USP4: variants seen among roughly 807,000 people sequenced by gnomAD.
USP4 encodes the protein ubiquitin carboxyl-terminal hydrolase 4.
USP4 carries 72 observed loss-of-function variants against 118.2 expected under a neutral mutation model. The observed-to-expected ratio is 0.61, with a 90% confidence interval of 0.50 to 0.74. The LOEUF is 0.74. Among genes scored for constraint, USP4 ranks in the 30% least tolerant of loss-of-function variants. The pLI is 0.00. For synonymous variants in USP4, 415 were observed against 440.4 expected, an observed-to-expected ratio of 0.94 and a Z score of 0.72; for missense variants, 1,037 against 1,185.7, an observed-to-expected ratio of 0.87 and a Z score of 1.84.
chr3:49,282,639 C>T (rs1337642120), intron 19 of USP4, among the ~76,000 whole-genome samples: 1 of 151,976 alleles, frequency 6.6e-6, no homozygotes, highest in East Asian at 1.9e-4. Flanking sequence ...TGCTGACATG[C>T]TATACTTCAT....
intron 21 of USP4, 69 bp downstream of exon 21, chr3:49,278,745 T>C: frequency 2.4e-6 from 3 of 1,242,064 alleles, no homozygotes; most frequent in Non-Finnish European, 1.1e-6. Context: ...CCAACTAGCC[T>C]GATAGAGGCT....
At chr3:49,316,749 C>T in intron 6 of USP4, 1 of 393,952 alleles carries the variant, frequency 2.5e-6, no homozygotes, top group Non-Finnish European at 4.6e-6. Context: ...CTGCCCCCTG[C>T]CCTGGGCCTC....
Position 49,277,347 on chromosome 3 carries a change from T to C in USP4, c.*946A>G. ...CCACACGCAGCGGCTGGCCCCGCGG[T>C]GGGAGTGGGGACGGGGCTTTCGAAT... On this transcript the variant is annotated 3_prime_UTR_variant, in exon 22 of 22. Transcript: ENST00000265560. 1 of 845,198 alleles carries C rather than the reference T, an allele frequency of 1.2e-6. No homozygotes were observed. The highest frequency in any genetic ancestry group is 1.6e-5 in the South Asian group (1 of 63,692). 52.4% of individuals were successfully genotyped at this position (845,198 alleles called of 1,614,324 possible).
intron 7 of USP4, among the ~76,000 whole-genome samples, chr3:49,311,215 C>T (rs2107787999): frequency 6.6e-6 from 1 of 152,276 alleles, no homozygotes; most frequent in Non-Finnish European, 1.5e-5. Flanking sequence ...CACAACTATT[C>T]TGCCATACGG....
rs961769016 is a variant in USP4, at chr3:49,280,804, G to A, written c.2584C>T (p.Pro862Ser). 3 of 1,614,042 alleles carry A rather than the reference G, an allele frequency of 1.9e-6. No homozygotes were observed. The African/African-American group carries it at 4.0e-5, about 22-fold the overall frequency. ...ACGGCAATGAGGTCGTACACATAAG[G>A]CCTTGCTGACAGGTTACAGACAAAC... ...SEFVCNLSAR[P>S]YVYDLIAVSN... Residue 862 changes from proline to serine, a missense_variant, in exon 20 of 22, where the codon CCT becomes TCT. This residue lies in a region of USP4 where 522 missense variants were observed against 592.6 expected (regional missense o/e 0.88). Coordinates refer to ENST00000265560, the MANE Select transcript of USP4 (RefSeq NM_003363.4).
Position 49,277,419 on chromosome 3 carries a change from C to G in USP4, c.*874G>C, listed in dbSNP as rs1394060085. On this transcript the variant is annotated 3_prime_UTR_variant, in exon 22 of 22. Transcript: ENST00000265560. The stretch of plus-strand genomic sequence containing the variant: ...GGCAGGGATGAGGAAAGAACCCGTT[C>G]TAGAAAGCATCTGGGTAACACCAAA... 3.1e-6 allele frequency: 1 copy of G among 324,840 alleles called. No homozygotes were observed. Among genetic ancestry groups the G allele is most frequent in the East Asian group, 9.5e-5 (1 of 10,576 alleles). 20.1% of individuals were successfully genotyped at this position (324,840 alleles called of 1,614,324 possible).
chr3:49,302,331 A>G (rs970598909), intron 10 of USP4, 53 bp downstream of exon 10: 20 of 1,594,662 alleles, frequency 1.3e-5, no homozygotes, highest in African/African-American at 4.0e-5. Context: ...TGCACTCTCA[A>G]TAGGAGGCAG....
chr3:49,292,042 C>T (rs371532084), intron 15 of USP4, among the ~76,000 whole-genome samples: 15 of 152,178 alleles, frequency 9.9e-5, no homozygotes, highest in African/African-American at 2.9e-4. Context: ...CTCCTGACCT[C>T]GTGATCCGCC....
intron 10 of USP4, 49 bp from the exon 11 acceptor site, chr3:49,300,740 G>GC (rs1490334848): frequency 2.6e-6 from 4 of 1,556,994 alleles, no homozygotes; most frequent in African/African-American, 1.4e-5. Context: ...TCAGCCCCTT[G>GC]CCCCTGCATC....
chr3:49,324,685 A>C lies in USP4; in HGVS notation c.695+17T>G, dbSNP rs947056037. The C allele has an allele frequency of 6.2e-7, 1 of 1,612,754 alleles. No individual in the cohort carries two copies. The highest frequency in any genetic ancestry group is 1.6e-4 in the Middle Eastern group (1 of 6,062). ...TGCACATGTGAGCCTACAACAAGGG[A>C]GAAAAAATTCACTTACTTTGACTGC... On this transcript the variant is annotated intron_variant, in intron 6 of 21. Coordinates refer to ENST00000265560, the MANE Select transcript of USP4 (RefSeq NM_003363.4).
chr3:49,294,493 C>T lies in USP4; in HGVS notation c.1797G>A (p.Ala599=), dbSNP rs577639083. 1.1e-5 allele frequency: 17 copies of T among 1,614,176 alleles called. No homozygotes were observed. The highest frequency in any genetic ancestry group is 2.2e-5 in the South Asian group (2 of 91,078). ...SRPSSTSSAS[A]LYGQPLLLSV... ...AAAGCAATAGTGGCTGCCCATATAG[C>T]GCTGATGCGGAGGAAGTGCTTGATG... Residue 599 remains alanine (A), a synonymous_variant, in exon 14 of 22, where the codon GCG becomes GCA. Coordinates refer to ENST00000265560, the MANE Select transcript of USP4 (RefSeq NM_003363.4).
At position 49,311,494 on chromosome 3, in the gene USP4, G is replaced by C. The variant is rs1025804993; in HGVS notation, c.836+20C>G. ...AAAGGACCACGGGAAAGGAAGCAGA[G>C]TGAAAGGACCTGCTCTTACCCCCTG... is the stretch of plus-strand genomic sequence containing the variant. On this transcript the variant is annotated intron_variant, in intron 7 of 21. Transcript: ENST00000265560. The C allele has an allele frequency of 1.2e-6, 2 of 1,611,138 alleles. No individual in the cohort carries two copies. The highest frequency in any genetic ancestry group is 8.5e-7 in the Non-Finnish European group (1 of 1,178,716).
In USP4 at chr3:49,324,939, G is replaced by T. The variant is rs369444424; in HGVS notation, c.588C>A (p.Ser196Arg). The change falls in exon 5 of 22, where the codon AGC (serine) becomes AGA (arginine). Residue 196 changes from serine to arginine, a missense_variant. Coordinates refer to ENST00000265560, the MANE Select transcript of USP4 (RefSeq NM_003363.4). Reference sequence around the variant, plus strand: ...CATCCTGGACAGTGTTGTCTAGCTTGCTCAACTGCTCGTAGGTGTTGCTCA... The same window carrying T: ...CATCCTGGACAGTGTTGTCTAGCTTTCTCAACTGCTCGTAGGTGTTGCTCA... ...KYMSNTYEQL[S>R]KLDNTVQDAG... 14 of 1,614,038 alleles carry T rather than the reference G, an allele frequency of 8.7e-6. No homozygotes were observed. Among genetic ancestry groups the T allele is most frequent in the Admixed American group, 1.7e-5 (1 of 59,984 alleles).
Position 49,284,590 on chromosome 3 carries a change from G to A in USP4, c.2272-6C>T. On this transcript the variant is annotated splice_region_variant and splice_polypyrimidine_tract_variant and intron_variant, in intron 17 of 21. Transcript: ENST00000265560. ...CTCACATGCTTCTCGTAGGCCTATGGGAATCAAAGCACTCAGTTCTGCTGG... is the reference window on the plus strand; with the variant it reads ...CTCACATGCTTCTCGTAGGCCTATGAGAATCAAAGCACTCAGTTCTGCTGG... The A allele has an allele frequency of 6.2e-7, 1 of 1,612,222 alleles. No individual in the cohort carries two copies. The highest frequency in any genetic ancestry group is 8.5e-7 in the Non-Finnish European group (1 of 1,178,508).
chr3:49,326,822 C>T (rs1280674855), intron 3 of USP4, among the ~76,000 whole-genome samples: 1 of 151,742 alleles, frequency 6.6e-6, no homozygotes, highest in African/African-American at 2.4e-5. Context: ...CTGCCTCAGC[C>T]TCCCGAGTAG....
At chr3:49,323,060 C>T (rs13072440) in intron 6 of USP4, among the ~76,000 whole-genome samples, 4 of 150,712 alleles carry the variant, frequency 2.7e-5, no homozygotes, top group African/African-American at 4.9e-5. Flanking sequence ...CTCCGCCTCC[C>T]GGGTTCAAGC....
At chr3:49,320,088 TA>T (rs1217897645) in intron 6 of USP4, among the ~76,000 whole-genome samples, 2 of 152,006 alleles carry the variant, frequency 1.3e-5, no homozygotes, top group African/African-American at 2.4e-5. Context: ...AGCTAATTTT[TA>T]AAAAAAATTT....
chr3:49,284,338 T>G, intron 18 of USP4, 128 bp downstream of exon 18: 1 of 1,034,382 alleles, frequency 9.7e-7, no homozygotes. Context: ...GAGGATTATG[T>G]TGTAGGGTTA....
At position 49,300,684 on chromosome 3, in the gene USP4, GCCACCA is replaced by G. The variant is rs1209603424; in HGVS notation, c.1289_1294del (p.Val430_Val431del). On this transcript the variant is annotated inframe_deletion and splice_region_variant, in exon 11 of 22. Transcript: ENST00000265560. ...CCTGTGATTCTCCCAGGCTTCCTTT[GCCACCA>G]CCTGCGTCAAAGGGATAAACAGGAC... 1.2e-6 allele frequency: 2 copies of G among 1,613,830 alleles called. No homozygotes were observed. The highest frequency in any genetic ancestry group is 4.5e-5 in the East Asian group (2 of 44,884).
Sources: allele counts gnomAD v4.1 joint callset (sites outside exome capture counted in the v4.1 genomes callset), GRCh38; gene constraint gnomAD v4.1.1; regional missense constraint gnomAD v4.1.1; transcripts MANE v1.5; gene names NCBI Gene and HGNC (gene_info 2026-07-23, HGNC 2026-07-21).